The following CLCN3 variants were observed in gnomAD, a reference collection of about 807,000 sequenced individuals.
CLCN3 encodes Cl-/H+ antiporter 3, also known as H(+)/Cl(-) exchange transporter 3.
A neutral mutation model predicts 83.4 loss-of-function variants in CLCN3; 16 were observed. The ratio of observed to expected loss-of-function variants is 0.19; its 90% CI spans 0.13 to 0.29. CLCN3 has a LOEUF of 0.29. CLCN3 is among the 10% of genes least tolerant of loss of function. The pLI is 1.00. For missense variants in CLCN3, 544 were observed against 1,006.0 expected (o/e 0.54, Z 6.21); for synonymous variants, 322 against 346.2 (o/e 0.93, Z 0.78).
chr4:169,687,866 T>C, intron 4 of CLCN3, 109 bp downstream of exon 4: 1 of 559,336 alleles, frequency 1.8e-6, no homozygotes, highest in Non-Finnish European at 3.1e-6. Context: ...AAAAAGCATT[T>C]GTTTCTCTTC....
chr4:169,676,688 A>T (rs1581236701), intron 2 of CLCN3, among the ~76,000 whole-genome samples: 1 of 139,240 alleles, frequency 7.2e-6, no homozygotes, highest in African/African-American at 2.7e-5. Flanking sequence ...AGTAGAGATG[A>T]GGTTTTGCCA....
At chr4:169,663,309 GT>G (rs201008427) in intron 2 of CLCN3, among the ~76,000 whole-genome samples, 1 of 39,820 alleles carries the variant, frequency 2.5e-5, no homozygotes, top group Admixed American at 3.7e-4. Context: ...TCCTAAGTGG[GT>G]TTTTTTGTTG....
At chr4:169,693,096 A>C (rs1732432729) in intron 7 of CLCN3, among the ~76,000 whole-genome samples, 1 of 152,074 alleles carries the variant, frequency 6.6e-6, no homozygotes, top group Non-Finnish European at 1.5e-5. Flanking sequence ...TTTTTTGAAA[A>C]ACATCTCATT....
rs139666083 is a variant in CLCN3 at position 169,699,604 on chromosome 4, C to G, written c.1563+1870C>G. ...AGAGTTAAATAATAGAAAAGCCTGG[C>G]CAGGCGCAGTGGCTCACACCTGTAA... On this transcript the variant is annotated intron_variant, in intron 9 of 12. Coordinates refer to ENST00000513761, the MANE Select transcript of CLCN3 (RefSeq NM_001829.4). Among the ~76,000 whole-genome samples the G allele has an allele frequency of 1.9e-3, 290 of 152,238 alleles. 1 individual carries two copies. Among genetic ancestry groups the G allele is most frequent in the African/African-American group, 6.4e-3 (267 of 41,532 alleles).
intron 2 of CLCN3, among the ~76,000 whole-genome samples, chr4:169,676,650 AT>A (rs557077180): frequency 0.16 from 20,113 of 128,196 alleles, 1,555 homozygotes; most frequent in African/African-American, 0.35. Context: ...CATGCCCAGC[AT>A]TTTTTTTTTT....
intron 3 of CLCN3, among the ~76,000 whole-genome samples, chr4:169,684,695 G>A (rs1230134417): frequency 6.6e-6 from 1 of 152,152 alleles, no homozygotes; most frequent in Non-Finnish European, 1.5e-5. Flanking sequence ...GTTGGCTATT[G>A]TTTCTAGCCT....
chr4:169,695,508 A>T, intron 7 of CLCN3, 104 bp from the exon 8 acceptor site: 1 of 824,306 alleles, frequency 1.2e-6, no homozygotes, highest in African/African-American at 1.7e-5. Context: ...CATGCAAGTT[A>T]AATTCAGAAA....
chr4:169,690,668 T>G lies in CLCN3; in HGVS notation c.729+16T>G, dbSNP rs1225238453. On this transcript the variant is annotated intron_variant, in intron 6 of 12. Coordinates refer to ENST00000513761, the MANE Select transcript of CLCN3 (RefSeq NM_001829.4). The stretch of plus-strand genomic sequence containing the variant: ...AATTCCAGAGGTAAGCCAAGTAATA[T>G]TTAGTGTCATTAAACATTATTATGA... 2 of 1,601,446 alleles carry G rather than the reference T, an allele frequency of 1.2e-6. No individual in the cohort carries two copies. The highest frequency in any genetic ancestry group is 1.7e-6 in the Non-Finnish European group (2 of 1,173,238).
At chr4:169,717,943 CTG>C in intron 12 of CLCN3, 1 of 930,842 alleles carries the variant, frequency 1.1e-6, no homozygotes. Flanking sequence ...CTGTTGAGTT[CTG>C]TCTTTCCCAG....
intron 3 of CLCN3, among the ~76,000 whole-genome samples, chr4:169,685,047 C>G (rs923868769): frequency 6.6e-6 from 1 of 150,724 alleles, no homozygotes; most frequent in African/African-American, 2.4e-5. Context: ...AAATTTCTGG[C>G]CTCTAACAGT....
chr4:169,695,579 G>C, intron 7 of CLCN3, 33 bp from the exon 8 acceptor site: 1 of 1,460,870 alleles, frequency 6.8e-7, no homozygotes, highest in Non-Finnish European at 9.5e-7. Flanking sequence ...GAATTTCTAT[G>C]AAATTATGAA....
intron 2 of CLCN3, among the ~76,000 whole-genome samples, chr4:169,645,082 T>C (rs572519781): frequency 1.1e-3 from 162 of 152,370 alleles, no homozygotes; most frequent in African/African-American, 3.8e-3. Flanking sequence ...TTTATGGCAG[T>C]GTGTTACGAT....
intron 3 of CLCN3, among the ~76,000 whole-genome samples, chr4:169,683,463 C>T (rs1339554469): frequency 5.3e-5 from 8 of 152,162 alleles, no homozygotes; most frequent in African/African-American, 1.7e-4. Context: ...CCACTGCCCT[C>T]CAACCTGGGT....
intron 5 of CLCN3, 92 bp downstream of exon 5, chr4:169,689,322 G>GTGT: frequency 3.8e-6 from 4 of 1,058,430 alleles, no homozygotes; most frequent in Non-Finnish European, 5.4e-6. Context: ...CATATTAGAT[G>GTGT]ATTACATACA....
intron 1 of CLCN3, among the ~76,000 whole-genome samples, chr4:169,625,641 G>C (rs1295995668): frequency 2.0e-5 from 3 of 152,162 alleles, no homozygotes; most frequent in Non-Finnish European, 4.4e-5. Flanking sequence ...GTGAGTTGCA[G>C]GAGACTGAAA....
chr4:169,685,065 C>T (rs1732102892), intron 3 of CLCN3, among the ~76,000 whole-genome samples: 2 of 151,434 alleles, frequency 1.3e-5, no homozygotes, highest in Admixed American at 1.3e-4. Flanking sequence ...AGTCCTCCTG[C>T]CTTTGCCTTC....
chr4:169,713,069 C>G lies in CLCN3; in HGVS notation c.2150-10C>G, dbSNP rs1304502868. On this transcript the variant is annotated splice_polypyrimidine_tract_variant and intron_variant, in intron 11 of 12. Transcript: ENST00000513761. ...GTTTAAAAGTGTTGGTCTCTTCTCT[C>G]TCTTTTCAGAAAGTGCCAGGAAAAA... is the stretch of plus-strand genomic sequence containing the variant. 6.2e-7 allele frequency: 1 copy of G among 1,610,478 alleles called. No individual in the cohort carries two copies.
chr4:169,662,388 A>G (rs1731087409), intron 2 of CLCN3, among the ~76,000 whole-genome samples: 1 of 152,190 alleles, frequency 6.6e-6, no homozygotes, highest in African/African-American at 2.4e-5. Flanking sequence ...TACCTCAAAC[A>G]TACTGTAGTA....
At position 169,629,316 on chromosome 4, in the gene CLCN3, C is replaced by A. The variant is rs554283219; in HGVS notation, c.-16-6597C>A. Among the ~76,000 whole-genome samples the A allele has an allele frequency of 2.0e-5, 3 of 152,088 alleles. No homozygotes were observed. In the South Asian group the frequency reaches 6.2e-4, roughly 32 times the overall value. ...TTATTTATTGTAACTACATGTGGAA[C>A]CACAATTATCTCAAAATAAAAATTT... On this transcript the variant is annotated intron_variant, in intron 1 of 12. Coordinates refer to ENST00000513761, the MANE Select transcript of CLCN3 (RefSeq NM_001829.4).
Sources: allele counts gnomAD v4.1 joint callset (sites outside exome capture counted in the v4.1 genomes callset), GRCh38; gene constraint gnomAD v4.1.1; transcripts MANE v1.5; gene names NCBI Gene and HGNC (gene_info 2026-07-23, HGNC 2026-07-21).